Variants in KCNQ5 observed in about 807,000 individuals in gnomAD.
KCNQ5 encodes the protein potassium voltage-gated channel subfamily KQT member 5.
Under a neutral mutation model 98.2 loss-of-function variants are expected in KCNQ5, and 30 were observed. That is an observed-to-expected ratio of 0.31 (90% CI 0.23 to 0.41). The LOEUF (loss-of-function observed/expected upper bound fraction) is 0.41. Among genes scored for constraint, KCNQ5 ranks in the 10% least tolerant of loss-of-function variants. The pLI, the probability that KCNQ5 is intolerant of heterozygous loss-of-function variation, is 1.00. For missense variants in KCNQ5, 835 were observed against 1,182.5 expected, an observed-to-expected ratio of 0.71 and a Z score of 4.31; for synonymous variants, 458 against 449.4, an observed-to-expected ratio of 1.02 and a Z score of -0.24.
intron 1 of KCNQ5, among the ~76,000 whole-genome samples, chr6:72,856,337 GAGT>G (rs1037052602): frequency 7.1e-6 from 1 of 140,730 alleles, no homozygotes; most frequent in African/African-American, 3.0e-5. Context: ...TCTTAGATAA[GAGT>G]TTTTTTTTCA....
chr6:72,652,310 A>G (rs2154472443), intron 1 of KCNQ5, among the ~76,000 whole-genome samples: 1 of 151,978 alleles, frequency 6.6e-6, no homozygotes, highest in Non-Finnish European at 1.5e-5. Context: ...ATGTTTCAGA[A>G]GATGAAGAAA....
chr6:73,180,857 G>A lies in KCNQ5; in HGVS notation c.1578-9716G>A, dbSNP rs191827773. Among the ~76,000 whole-genome samples the A allele has an allele frequency of 3.4e-3, 521 of 151,396 alleles. 4 individuals are homozygous for A. The highest frequency in any genetic ancestry group is 0.012 in the African/African-American group (482 of 41,090). Reference sequence around the variant, plus strand: ...GTTCACAGTTGGCTGAGCCCTCTCCGCCCTTGCACATGGTTTGGCTGCTGG... The same window carrying A: ...GTTCACAGTTGGCTGAGCCCTCTCCACCCTTGCACATGGTTTGGCTGCTGG... On this transcript the variant is annotated intron_variant, in intron 11 of 13. Transcript: ENST00000370398.
intron 1 of KCNQ5, among the ~76,000 whole-genome samples, chr6:72,964,861 C>CTT (rs1767530187): frequency 6.6e-6 from 1 of 152,274 alleles, no homozygotes; most frequent in African/African-American, 2.4e-5. Context: ...CTCTTGTCTT[C>CTT]TTGTTTCAGC....
At chr6:72,916,350 A>G (rs1226787265) in intron 1 of KCNQ5, among the ~76,000 whole-genome samples, 1 of 152,226 alleles carries the variant, frequency 6.6e-6, no homozygotes, top group Non-Finnish European at 1.5e-5. Flanking sequence ...TTAAATATTT[A>G]CGATTTAGTT....
intron 5 of KCNQ5, among the ~76,000 whole-genome samples, chr6:73,096,994 C>T (rs6936479): frequency 0.22 from 33,790 of 151,826 alleles, 8,566 homozygotes; most frequent in African/African-American, 0.61. Context: ...TAAGCTGAGA[C>T]CGTGCCACTG....
chr6:73,190,205 TA>T (rs1357341520), intron 11 of KCNQ5, among the ~76,000 whole-genome samples: 1 of 152,328 alleles, frequency 6.6e-6, no homozygotes, highest in East Asian at 1.9e-4. Context: ...ACAGCCTTTA[TA>T]TTTTTTAAGG....
chr6:72,849,148 GCACA>G (rs1194432864), intron 1 of KCNQ5, among the ~76,000 whole-genome samples: 3 of 150,012 alleles, frequency 2.0e-5, no homozygotes, highest in African/African-American at 7.4e-5. Context: ...ACACACATAT[GCACA>G]CGCACATGCA....
At chr6:72,698,610 A>G (rs1237715715) in intron 1 of KCNQ5, among the ~76,000 whole-genome samples, 2 of 148,720 alleles carry the variant, frequency 1.3e-5, no homozygotes, top group Non-Finnish European at 3.0e-5. Flanking sequence ...ATGTTCCATG[A>G]TAATTTGGAA....
At chr6:73,114,564 C>A (rs976836980) in intron 7 of KCNQ5, among the ~76,000 whole-genome samples, 1 of 152,146 alleles carries the variant, frequency 6.6e-6, no homozygotes, top group African/African-American at 2.4e-5. Flanking sequence ...GTTTTGAATA[C>A]CTGCCCAAAT....
intron 1 of KCNQ5, among the ~76,000 whole-genome samples, chr6:72,687,499 A>C (rs189091324): frequency 1.3e-5 from 2 of 152,364 alleles, no homozygotes; most frequent in East Asian, 3.9e-4. Flanking sequence ...CAGTAAGTCG[A>C]CAATGACAAT....
intron 3 of KCNQ5, among the ~76,000 whole-genome samples, chr6:73,052,236 T>C (rs959559371): frequency 6.6e-6 from 1 of 152,184 alleles, no homozygotes; most frequent in Non-Finnish European, 1.5e-5. Context: ...AGTATGGGAT[T>C]ATGTAAAGAC....
At chr6:72,637,157 A>G (rs2098924638) in intron 1 of KCNQ5, among the ~76,000 whole-genome samples, 1 of 152,240 alleles carries the variant, frequency 6.6e-6, no homozygotes, top group African/African-American at 2.4e-5. Context: ...TTTAAAAAAT[A>G]AGAAAGAAAC....
chr6:73,100,988 A>T (rs960462988), intron 5 of KCNQ5, among the ~76,000 whole-genome samples: 1 of 152,188 alleles, frequency 6.6e-6, no homozygotes, highest in Non-Finnish European at 1.5e-5. Flanking sequence ...GATTGAAGCC[A>T]TAAAAAAAAT....
At chr6:72,900,636 CATA>C (rs1027751228) in intron 1 of KCNQ5, among the ~76,000 whole-genome samples, 16 of 151,624 alleles carry the variant, frequency 1.1e-4, no homozygotes, top group African/African-American at 3.9e-4. Context: ...ATCTTTTTCG[CATA>C]ATGACTCCTT....
At chr6:73,152,161 G>C (rs1019159943) in intron 10 of KCNQ5, among the ~76,000 whole-genome samples, 15 of 151,354 alleles carry the variant, frequency 9.9e-5, no homozygotes, top group Non-Finnish European at 1.8e-4. Context: ...TTAAGAGCTT[G>C]TATGTCTGGA....
At chr6:72,950,376 G>T (rs1344232700) in intron 1 of KCNQ5, among the ~76,000 whole-genome samples, 2 of 152,212 alleles carry the variant, frequency 1.3e-5, no homozygotes, top group African/African-American at 4.8e-5. Flanking sequence ...ACAGTCTGAA[G>T]TCACTGAATG....
At chr6:72,868,263 C>G (rs1778073359) in intron 1 of KCNQ5, among the ~76,000 whole-genome samples, 1 of 152,088 alleles carries the variant, frequency 6.6e-6, no homozygotes, top group East Asian at 1.9e-4. Flanking sequence ...TGTAATGTGC[C>G]CAAAAGCACT....
intron 1 of KCNQ5, among the ~76,000 whole-genome samples, chr6:72,786,519 T>A (rs961929640): frequency 6.6e-6 from 1 of 152,182 alleles, no homozygotes; most frequent in Non-Finnish European, 1.5e-5. Flanking sequence ...AGCAGTCTCA[T>A]TGAGGAAAGG....
At chr6:73,150,374 T>A (rs1777101105) in intron 10 of KCNQ5, among the ~76,000 whole-genome samples, 1 of 150,680 alleles carries the variant, frequency 6.6e-6, no homozygotes, top group Admixed American at 6.6e-5. Flanking sequence ...ATAAATCCTA[T>A]ATATGCATGG....
Sources: gnomAD v4.1 joint callset for allele counts (sites outside exome capture counted in the v4.1 genomes callset) on GRCh38, gnomAD v4.1.1 for gene constraint, MANE v1.5 for transcripts, NCBI Gene and HGNC (gene_info 2026-07-23, HGNC 2026-07-21) for gene names.